Variants in GHR observed in about 807,000 individuals in gnomAD.
The protein encoded by GHR is growth hormone receptor.
GHR carries 35 observed loss-of-function variants against 67.1 expected under a neutral mutation model. The ratio of observed to expected loss-of-function variants is 0.52; its 90% CI spans 0.40 to 0.69. The LOEUF (loss-of-function observed/expected upper bound fraction) is 0.69, where lower values mean the gene tolerates loss of function less well. Ranked by LOEUF, GHR falls within the 30% of genes least tolerant of loss-of-function variation. The pLI is 0.00. For missense variants in GHR, 792 were observed against 764.6 expected, an observed-to-expected ratio of 1.04 and a Z score of -0.42; for synonymous variants, 272 against 269.1, an observed-to-expected ratio of 1.01 and a Z score of -0.10.
chr5:42,631,895 A>G (rs568082493), intron 3 of GHR, among the ~76,000 whole-genome samples: 13 of 152,240 alleles, frequency 8.5e-5, no homozygotes, highest in African/African-American at 2.6e-4. Flanking sequence ...ACTTGGGTCC[A>G]AGAAGCCCAA....
At chr5:42,637,766 T>G (rs1203938280) in intron 3 of GHR, among the ~76,000 whole-genome samples, 1 of 152,180 alleles carries the variant, frequency 6.6e-6, no homozygotes, top group African/African-American at 2.4e-5. Flanking sequence ...GATGAATATA[T>G]GAGTGCGTGT....
At position 42,445,633 on chromosome 5, in the gene GHR, T is replaced by C. The variant is rs1579711232; in HGVS notation, c.-12+21678T>C. Among the ~76,000 whole-genome samples the C allele has an allele frequency of 3.9e-5, 6 of 152,332 alleles. No individual in the cohort carries two copies. In the South Asian group the frequency reaches 1.0e-3, roughly 26 times the overall value. On this transcript the variant is annotated intron_variant, in intron 1 of 9. Coordinates refer to ENST00000230882, the MANE Select transcript of GHR (RefSeq NM_000163.5). ...GTTTTCTCAAAATATTCCTGATTTA[T>C]CCTGATGTAAATCACAATTCATAAA...
chr5:42,463,941 C>T (rs1336207667), intron 1 of GHR, among the ~76,000 whole-genome samples: 2 of 133,852 alleles, frequency 1.5e-5, no homozygotes, highest in East Asian at 2.1e-4. Flanking sequence ...TGCAGTGAGC[C>T]GAGATCCCGC....
At chr5:42,554,512 A>T (rs1031944299) in intron 1 of GHR, among the ~76,000 whole-genome samples, 1 of 152,170 alleles carries the variant, frequency 6.6e-6, no homozygotes, top group African/African-American at 2.4e-5. Flanking sequence ...AACTGTATGA[A>T]GGTCTCTTCT....
At chr5:42,482,343 G>T (rs1745681927) in intron 1 of GHR, among the ~76,000 whole-genome samples, 1 of 152,218 alleles carries the variant, frequency 6.6e-6, no homozygotes, top group South Asian at 2.1e-4. Flanking sequence ...CCCACTTGAG[G>T]AGGCAGTCTG....
intron 2 of GHR, among the ~76,000 whole-genome samples, chr5:42,616,485 T>C (rs1753155935): frequency 6.6e-6 from 1 of 151,982 alleles, no homozygotes. Context: ...GGAAGAACAG[T>C]TTTTTTCAGA....
At chr5:42,570,029 G>C (rs901252403) in intron 2 of GHR, among the ~76,000 whole-genome samples, 3 of 151,504 alleles carry the variant, frequency 2.0e-5, no homozygotes, top group Non-Finnish European at 4.4e-5. Flanking sequence ...CTATCAGACA[G>C]CAACAATTTA....
Position 42,694,979 on chromosome 5 carries a change from A to G in GHR, c.329A>G (p.Asn110Ser). The G allele has an allele frequency of 6.2e-7, 1 of 1,611,604 alleles. No homozygotes were observed. Among genetic ancestry groups the G allele is most frequent in the South Asian group, 1.1e-5 (1 of 90,932 alleles). Residue 110 changes from asparagine (N) to serine (S), a missense_variant, in exon 5 of 10, where the codon AAC becomes AGC. Physicochemically the swap from Asn to Ser is conservative, Grantham distance 46 (BLOSUM62 1). Coordinates refer to ENST00000230882, the MANE Select transcript of GHR (RefSeq NM_000163.5). The stretch of plus-strand genomic sequence containing the variant: ...CCTGATTATGTTTCTGCTGGGGAAA[A>G]CAGCTGTTACTTTAATTCATCGTTT... Reference protein sequence around the residue: ...ECPDYVSAGENSCYFNSSFTS... With the variant: ...ECPDYVSAGESSCYFNSSFTS...
intron 3 of GHR, among the ~76,000 whole-genome samples, chr5:42,642,901 T>G (rs1164078380): frequency 6.6e-6 from 1 of 152,130 alleles, no homozygotes; most frequent in Non-Finnish European, 1.5e-5. Flanking sequence ...ATCATTCCAA[T>G]CTCTGGTTCT....
intron 2 of GHR, among the ~76,000 whole-genome samples, chr5:42,573,108 C>T (rs763544287): frequency 3.9e-5 from 6 of 152,146 alleles, no homozygotes; most frequent in Non-Finnish European, 7.4e-5. Context: ...GCTGGATGCC[C>T]ATCCTTCAGC....
intron 2 of GHR, among the ~76,000 whole-genome samples, chr5:42,619,407 G>GT (rs1753327523): frequency 6.6e-6 from 1 of 151,846 alleles, no homozygotes; most frequent in African/African-American, 2.4e-5. Context: ...CAAAACATCT[G>GT]TGTGGCTCAT....
chr5:42,623,543 T>G (rs1040612931), intron 2 of GHR, among the ~76,000 whole-genome samples: 22 of 152,182 alleles, frequency 1.4e-4, no homozygotes, highest in Non-Finnish European at 4.4e-5. Context: ...CTTTGTTTCC[T>G]TGGCCCCAAC....
intron 3 of GHR, among the ~76,000 whole-genome samples, chr5:42,647,203 G>A (rs547820181): frequency 1.3e-4 from 20 of 152,182 alleles, no homozygotes; most frequent in South Asian, 4.1e-4. Flanking sequence ...AGTTTAAGGC[G>A]GAATTGTGGG....
chr5:42,622,299 A>T (rs368651968), intron 2 of GHR, among the ~76,000 whole-genome samples: 1 of 152,222 alleles, frequency 6.6e-6, no homozygotes, highest in African/African-American at 2.4e-5. Flanking sequence ...ATCAATCAGC[A>T]TGTACTTTAT....
At chr5:42,524,092 G>C (rs1448477049) in intron 1 of GHR, among the ~76,000 whole-genome samples, 1 of 152,156 alleles carries the variant, frequency 6.6e-6, no homozygotes, top group Non-Finnish European at 1.5e-5. Flanking sequence ...CAGTAGAGTG[G>C]GGTATTGCTG....
intron 2 of GHR, among the ~76,000 whole-genome samples, chr5:42,572,219 ATT>A (rs989207185): frequency 6.6e-6 from 1 of 152,120 alleles, no homozygotes; most frequent in Non-Finnish European, 1.5e-5. Flanking sequence ...CAATAAAGAC[ATT>A]TTTGGGGCCT....
At chr5:42,485,967 A>T (rs1277185671) in intron 1 of GHR, among the ~76,000 whole-genome samples, 6 of 152,160 alleles carry the variant, frequency 3.9e-5, no homozygotes, top group Non-Finnish European at 7.3e-5. Flanking sequence ...CTCTGAGAAG[A>T]TTTAGATCAG....
chr5:42,665,256 C>T (rs1755895856), intron 3 of GHR, among the ~76,000 whole-genome samples: 1 of 152,064 alleles, frequency 6.6e-6, no homozygotes, highest in African/African-American at 2.4e-5. Context: ...GGGTATATAC[C>T]CAAATGACTG....
chr5:42,654,875 G>C (rs1299953684), intron 3 of GHR, among the ~76,000 whole-genome samples: 1 of 152,114 alleles, frequency 6.6e-6, no homozygotes, highest in African/African-American at 2.4e-5. Flanking sequence ...AGTTTGTGCA[G>C]ACTATTGATT....
Sources: gnomAD v4.1 joint callset for allele counts (sites outside exome capture counted in the v4.1 genomes callset) on GRCh38, gnomAD v4.1.1 for gene constraint, MANE v1.5 for transcripts, NCBI Gene and HGNC (gene_info 2026-07-23, HGNC 2026-07-21) for gene names.